Variants in UHRF2 observed in about 807,000 individuals in gnomAD.
UHRF2 encodes ubiquitin like with PHD and ring finger domains 2.
In UHRF2, 23 loss-of-function variants were observed where a neutral mutation model predicts 96.8. The ratio of observed to expected loss-of-function variants is 0.24; its 90% CI spans 0.17 to 0.34. The LOEUF is 0.34. Ranked by LOEUF, UHRF2 falls within the 10% of genes least tolerant of loss-of-function variation. The pLI is 1.00. For synonymous variants in UHRF2, 385 were observed against 332.6 expected, an observed-to-expected ratio of 1.16 and a Z score of -1.72; for missense variants, 685 against 981.5, an observed-to-expected ratio of 0.70 and a Z score of 4.04.
At chr9:6,426,266 T>C (rs1359757315) in intron 2 of UHRF2, among the ~76,000 whole-genome samples, 1 of 152,258 alleles carries the variant, frequency 6.6e-6, no homozygotes, top group Non-Finnish European at 1.5e-5. Context: ...TTGACATCTC[T>C]TCTATTTCCT....
At chr9:6,483,416 CTA>C (rs1404817408) in intron 8 of UHRF2, among the ~76,000 whole-genome samples, 1 of 151,438 alleles carries the variant, frequency 6.6e-6, no homozygotes, top group East Asian at 1.9e-4. Context: ...TAAATCACCT[CTA>C]GATTACCTAT....
At chr9:6,441,612 G>A (rs1221309613) in intron 3 of UHRF2, among the ~76,000 whole-genome samples, 1 of 152,026 alleles carries the variant, frequency 6.6e-6, no homozygotes, top group Non-Finnish European at 1.5e-5. Flanking sequence ...TAGCAGTATA[G>A]GGGAAAGGAG....
intron 3 of UHRF2, among the ~76,000 whole-genome samples, chr9:6,459,820 CAT>C (rs1822416191): frequency 6.6e-6 from 1 of 152,172 alleles, no homozygotes; most frequent in Non-Finnish European, 1.5e-5. Flanking sequence ...AAAAGAAAAA[CAT>C]ATTAGCTGGG....
intron 4 of UHRF2, among the ~76,000 whole-genome samples, chr9:6,470,274 G>T (rs1195888835): frequency 1.3e-5 from 2 of 151,636 alleles, no homozygotes; most frequent in East Asian, 3.9e-4. Context: ...TTGTGAGACT[G>T]AAGCAGGAGA....
At chr9:6,467,341 A>T (rs2130865842) in intron 4 of UHRF2, among the ~76,000 whole-genome samples, 1 of 152,116 alleles carries the variant, frequency 6.6e-6, no homozygotes, top group African/African-American at 2.4e-5. Flanking sequence ...CCCTGTGATT[A>T]TATTGGATCT....
At chr9:6,459,553 C>G (rs1395050039) in intron 3 of UHRF2, among the ~76,000 whole-genome samples, 4 of 152,230 alleles carry the variant, frequency 2.6e-5, no homozygotes, top group Non-Finnish European at 5.9e-5. Flanking sequence ...CCTGTAATCC[C>G]AGCTACTTAG....
At chr9:6,435,975 G>C (rs542529981) in intron 3 of UHRF2, among the ~76,000 whole-genome samples, 2 of 152,146 alleles carry the variant, frequency 1.3e-5, no homozygotes, top group South Asian at 4.1e-4. Flanking sequence ...TTTAGATTCT[G>C]ACAGTAAACT....
chr9:6,413,707 G>C, intron 1 of UHRF2, 64 bp downstream of exon 1: 1 of 1,418,704 alleles, frequency 7.0e-7, no homozygotes, highest in East Asian at 2.9e-5. Context: ...TCCTCTGGAC[G>C]CACCGGTCCG....
intron 3 of UHRF2, among the ~76,000 whole-genome samples, chr9:6,450,247 A>C (rs1821774265): frequency 6.6e-6 from 1 of 152,026 alleles, no homozygotes; most frequent in Non-Finnish European, 1.5e-5. Context: ...AGGATCAAAA[A>C]CAAACCCCAC....
At position 6,481,724 on chromosome 9, in the gene UHRF2, G is replaced by A. The variant is rs965807509; in HGVS notation, c.1242G>A (p.Lys414=). ...ERLKMSKKKA[K]MPSASTESRR... is the part of the protein sequence containing the mutation. ...TCAAGATGAGTAAAAAGAAAGCAAA[G>A]ATGCCGTCAGCTAGTACTGAAAGCC... Residue 414 remains lysine, a synonymous_variant, in exon 7 of 16, where the codon AAG becomes AAA. Coordinates refer to ENST00000276893, the MANE Select transcript of UHRF2 (RefSeq NM_152896.3). 2.2e-5 allele frequency: 35 copies of A among 1,613,820 alleles called. No homozygotes were observed. The highest frequency in any genetic ancestry group is 2.9e-5 in the Non-Finnish European group (34 of 1,179,898).
chr9:6,426,052 A>C (rs1820241752), intron 2 of UHRF2, among the ~76,000 whole-genome samples: 1 of 152,236 alleles, frequency 6.6e-6, no homozygotes, highest in Non-Finnish European at 1.5e-5. Context: ...ATGTATCTGC[A>C]CATCTGAGAT....
intron 2 of UHRF2, among the ~76,000 whole-genome samples, 181 bp downstream of exon 2, chr9:6,421,323 G>T (rs972220537): frequency 1.3e-4 from 20 of 152,182 alleles, no homozygotes; most frequent in Admixed American, 5.9e-4. Context: ...AAATGTACAA[G>T]ATGTATATGT....
chr9:6,413,647 A>G lies in UHRF2; in HGVS notation c.153+4A>G. 6.4e-7 allele frequency: 1 copy of G among 1,563,382 alleles called. No individual in the cohort carries two copies. Among genetic ancestry groups the G allele is most frequent in the Non-Finnish European group, 8.6e-7 (1 of 1,158,934 alleles). ...CCTCTTCTACCGGGGCAAGCAGGTG[A>G]GGCGCGCCCGCCGCGCCCCTAGCGA... On this transcript the variant is annotated splice_donor_region_variant and intron_variant, in intron 1 of 15. Transcript: ENST00000276893.
intron 2 of UHRF2, among the ~76,000 whole-genome samples, chr9:6,428,112 C>G (rs1023783106): frequency 6.6e-6 from 1 of 152,170 alleles, no homozygotes; most frequent in Non-Finnish European, 1.5e-5. Flanking sequence ...TGTTAAACTT[C>G]TTACATGTTT....
intron 1 of UHRF2, among the ~76,000 whole-genome samples, chr9:6,414,961 A>C (rs1819505255): frequency 6.6e-6 from 1 of 152,226 alleles, no homozygotes; most frequent in South Asian, 2.1e-4. Context: ...TACACTTGTT[A>C]AATACTACAT....
rs746830713 is a variant in UHRF2 at position 6,498,011 on chromosome 9, G to T, written c.1768-7G>T. ...TCTCAAACTGGCACTGAAATATTGTGATTTAGGTGGTGAAATACTGGCCAG... is the reference window on the plus strand; with the variant it reads ...TCTCAAACTGGCACTGAAATATTGTTATTTAGGTGGTGAAATACTGGCCAG... On this transcript the variant is annotated splice_polypyrimidine_tract_variant and splice_region_variant and intron_variant, in intron 11 of 15. Transcript: ENST00000276893. 1 of 1,612,052 alleles carries T rather than the reference G, an allele frequency of 6.2e-7. No homozygotes were observed. The highest frequency in any genetic ancestry group is 1.1e-5 in the South Asian group (1 of 90,916).
intron 3 of UHRF2, among the ~76,000 whole-genome samples, chr9:6,452,085 ATTTT>A (rs574826546): frequency 6.6e-6 from 1 of 151,682 alleles, no homozygotes. Flanking sequence ...TTTGCACCTT[ATTTT>A]TTTTAAGTTC....
intron 4 of UHRF2, among the ~76,000 whole-genome samples, chr9:6,471,784 C>T (rs1167928914): frequency 2.0e-5 from 3 of 152,264 alleles, no homozygotes; most frequent in African/African-American, 7.2e-5. Flanking sequence ...TCTTTAAACT[C>T]TTTAAATTGG....
chr9:6,473,437 C>G (rs867238578), intron 4 of UHRF2, among the ~76,000 whole-genome samples: 5 of 152,152 alleles, frequency 3.3e-5, no homozygotes, highest in Middle Eastern at 3.4e-3. Context: ...AAAATTGTGC[C>G]AAGTAAATGA....
Sources: allele counts gnomAD v4.1 joint callset (sites outside exome capture counted in the v4.1 genomes callset), GRCh38; gene constraint gnomAD v4.1.1; transcripts MANE v1.5; gene names NCBI Gene and HGNC (gene_info 2026-07-23, HGNC 2026-07-21).